RFC3: variants seen among roughly 807,000 people sequenced by gnomAD.
The protein encoded by RFC3 is replication factor C subunit 3, also known as A1 38 kDa subunit.
RFC3 carries 41 observed loss-of-function variants against 45.1 expected under a neutral mutation model. The observed-to-expected ratio is 0.91, with a 90% CI of 0.71 to 1.18. The LOEUF (loss-of-function observed/expected upper bound fraction) is 1.18. RFC3 is among the 50% of genes most tolerant of loss of function. RFC3 has a pLI of 0.00. For synonymous variants in RFC3, 149 were observed against 144.0 expected, an observed-to-expected ratio of 1.03 and a Z score of -0.25; for missense variants, 423 against 428.1, an observed-to-expected ratio of 0.99 and a Z score of 0.10.
chr13:33,840,958 A>C (rs751325617), downstream of RFC3, among the ~76,000 whole-genome samples: 6 of 152,170 alleles, frequency 3.9e-5, no homozygotes, highest in African/African-American at 7.2e-5. Context: ...ACAAATGTAA[A>C]ATTCAGGGGT....
At chr13:33,927,107 C>G (rs1438264153) in intron 8 of RFC3, among the ~76,000 whole-genome samples, 1 of 151,816 alleles carries the variant, frequency 6.6e-6, no homozygotes, top group Non-Finnish European at 1.5e-5. Context: ...AATCCTTGAC[C>G]TTCCCTGGCA....
rs1198371426 is a variant in RFC3 at position 33,818,254 on chromosome 13, C to G, written c.76C>G (p.Leu26Val). Residue 26 changes from leucine to valine, a missense_variant, in exon 1 of 9, where the codon CTG becomes GTG. Coordinates refer to ENST00000380071, the MANE Select transcript of RFC3 (RefSeq NM_002915.4). Reference protein sequence around the residue: ...LDYHKEQAAQLRNLVQCGDFP... With the variant: ...LDYHKEQAAQVRNLVQCGDFP... ...CTATCACAAGGAGCAGGCGGCCCAG[C>G]TGCGGAACCTGGTGAGTCTGCGGGG... 1.2e-6 allele frequency: 2 copies of G among 1,613,348 alleles called. No individual in the cohort carries two copies. The highest frequency in any genetic ancestry group is 2.7e-5 in the African/African-American group (2 of 74,940).
intron 8 of RFC3, among the ~76,000 whole-genome samples, chr13:33,902,486 G>A (rs148353157): frequency 6.6e-6 from 1 of 152,142 alleles, no homozygotes. Flanking sequence ...AAAAGGATTT[G>A]CATCTGGCAG....
At chr13:33,912,826 A>G (rs529163609) in intron 8 of RFC3, among the ~76,000 whole-genome samples, 1 of 152,224 alleles carries the variant, frequency 6.6e-6, no homozygotes, top group African/African-American at 2.4e-5. Context: ...GTGCAGGAAT[A>G]TCAGCTTGGG....
chr13:33,836,419 C>T lies in RFC3; in HGVS notation c.*124C>T. Reference sequence around the variant, plus strand: ...CGTATTTGCGTTTTTTTGGTAATAACTTCTCTGTGAACTATTAATCATCCT... The same window carrying T: ...CGTATTTGCGTTTTTTTGGTAATAATTTCTCTGTGAACTATTAATCATCCT... On this transcript the variant is annotated 3_prime_UTR_variant, in exon 9 of 9. Coordinates refer to ENST00000380071, the MANE Select transcript of RFC3 (RefSeq NM_002915.4). The T allele has an allele frequency of 6.7e-7, 1 of 1,484,232 alleles. No individual in the cohort carries two copies. The highest frequency in any genetic ancestry group is 1.4e-5 in the South Asian group (1 of 71,366). 91.9% of individuals were successfully genotyped at this position (1,484,232 alleles called of 1,614,324 possible). A position where few individuals can be genotyped will look rare whatever the true frequency, so the allele number is the denominator to read the frequency against.
At chr13:33,888,427 T>C (rs2082540964) in intron 8 of RFC3, among the ~76,000 whole-genome samples, 1 of 152,182 alleles carries the variant, frequency 6.6e-6, no homozygotes, top group South Asian at 2.1e-4. Flanking sequence ...TATATTGTTA[T>C]AAAGATTGTA....
At chr13:33,929,016 G>T (rs987509442) in intron 8 of RFC3, among the ~76,000 whole-genome samples, 2 of 151,976 alleles carry the variant, frequency 1.3e-5, no homozygotes, top group Admixed American at 6.6e-5. Context: ...ATTCTAAAAT[G>T]GACAAATAAT....
In RFC3 at chr13:33,869,531, G is replaced by T. The variant is rs373569491; in HGVS notation, c.879+34314G>T. Reference sequence around the variant, plus strand: ...TACAATCCTTTTCAGGAAGATTAATGTTTATCTGCAAAGAAAGATATTGTT... The same window carrying T: ...TACAATCCTTTTCAGGAAGATTAATTTTTATCTGCAAAGAAAGATATTGTT... On this transcript the variant is annotated intron_variant, in intron 8 of 8. Transcript: ENST00000434425. Among the ~76,000 whole-genome samples the T allele has an allele frequency of 1.6e-4, 24 of 152,244 alleles. No homozygotes were observed. In the South Asian group the frequency reaches 3.7e-3, roughly 24 times the overall value.
chr13:33,873,370 A>G (rs547631208), intron 8 of RFC3, among the ~76,000 whole-genome samples: 2 of 152,334 alleles, frequency 1.3e-5, no homozygotes, highest in South Asian at 2.1e-4. Context: ...AAGTGACCTG[A>G]TAAAGTGGAA....
At chr13:33,851,019 C>T (rs1195945345) in intron 8 of RFC3, among the ~76,000 whole-genome samples, 4 of 152,062 alleles carry the variant, frequency 2.6e-5, no homozygotes, top group African/African-American at 9.7e-5. Context: ...CCTGATTCAG[C>T]ATGAATTTCT....
intron 8 of RFC3, among the ~76,000 whole-genome samples, chr13:33,923,218 A>G (rs771053512): frequency 7.9e-5 from 12 of 152,074 alleles, no homozygotes; most frequent in Non-Finnish European, 1.5e-4. Flanking sequence ...TCTTTTAGCT[A>G]TGAGGAGAGG....
At chr13:33,894,662 C>T (rs992159584) in intron 8 of RFC3, among the ~76,000 whole-genome samples, 8 of 152,102 alleles carry the variant, frequency 5.3e-5, no homozygotes, top group South Asian at 2.1e-4. Flanking sequence ...GGGTTCTGAG[C>T]GCAGATTGTC....
the RFC3 span, among the ~76,000 whole-genome samples, chr13:33,974,245 G>A: frequency 6.6e-6 from 1 of 151,378 alleles, no homozygotes. Flanking sequence ...CACATGATAT[G>A]CTTCTTTTTT....
chr13:33,835,151 C>T lies in RFC3; in HGVS notation c.813C>T (p.Leu271=), dbSNP rs2082141531. 1.2e-6 allele frequency: 2 copies of T among 1,601,148 alleles called. No individual in the cohort carries two copies. The change falls in exon 8 of 9, where the codon CTC becomes CTT. Residue 271 remains leucine, a synonymous_variant. Transcript: ENST00000380071. ...CCAATTATTTTGTTTTATGTAGGCT[C>T]CTTGAAGTTCGTGGAAGGCTGTATG... ...AIVSQQTPQR[L]LEVRGRLYEL...
intron 8 of RFC3, among the ~76,000 whole-genome samples, chr13:33,916,997 G>A (rs17080161): frequency 0.17 from 25,258 of 152,050 alleles, 2,784 homozygotes; most frequent in East Asian, 0.27. Context: ...ATGAGTGCAG[G>A]AGACTTCAGA....
At chr13:33,823,774 A>G in intron 2 of RFC3, 143 bp from the exon 3 acceptor site, 1 of 512,710 alleles carries the variant, frequency 2.0e-6, no homozygotes, top group Non-Finnish European at 3.5e-6. Flanking sequence ...TTGAGAAAAG[A>G]GTGGGATTAA....
intron 8 of RFC3, among the ~76,000 whole-genome samples, chr13:33,879,816 G>A (rs918915835): frequency 2.0e-5 from 3 of 152,120 alleles, no homozygotes; most frequent in African/African-American, 7.2e-5. Context: ...CAAGGTGTTG[G>A]CAGGGTTCTG....
At chr13:33,819,560 AG>A (rs2081982476) in intron 1 of RFC3, among the ~76,000 whole-genome samples, 1 of 152,166 alleles carries the variant, frequency 6.6e-6, no homozygotes, top group South Asian at 2.1e-4. Context: ...GTGACATTGA[AG>A]GTTTTTTTTT....
intron 8 of RFC3, chr13:33,850,564 G>A (rs1041653835): frequency 6.6e-6 from 1 of 152,006 alleles, no homozygotes; most frequent in Admixed American, 6.6e-5. Context: ...AATATTTACT[G>A]TATGAAAAAT....
Sources: allele counts gnomAD v4.1 joint callset (sites outside exome capture counted in the v4.1 genomes callset), GRCh38; gene constraint gnomAD v4.1.1; transcripts MANE v1.5; gene names NCBI Gene and HGNC (gene_info 2026-07-23, HGNC 2026-07-21).